PMS1: variants seen among roughly 807,000 people sequenced by gnomAD.
The protein encoded by PMS1 is PMS1 protein homolog 1.
A neutral mutation model predicts 93.1 loss-of-function variants in PMS1; 79 were observed. The ratio of observed to expected loss-of-function variants is 0.85; its 90% CI spans 0.71 to 1.02. PMS1 has a LOEUF of 1.02. Among genes scored for constraint, PMS1 ranks in the 50% least tolerant of loss-of-function variants. PMS1 has a pLI of 0.00. For synonymous variants in PMS1, 335 were observed against 363.4 expected, an observed-to-expected ratio of 0.92 and a Z score of 0.89; for missense variants, 1,064 against 1,085.3, an observed-to-expected ratio of 0.98 and a Z score of 0.28.
rs994909981 is a variant in PMS1, at chr2:189,877,560, G to C, written c.*124G>C. 7.4e-6 allele frequency: 5 copies of C among 676,412 alleles called. No homozygotes were observed. In the African/African-American group the frequency reaches 9.1e-5, roughly 12 times the overall value. 41.9% of individuals were successfully genotyped at this position (676,412 alleles called of 1,614,324 possible). ...GTTATTTTTTAAATGAGGATTCACT[G>C]ACTTGTTTTTATATTGAAAAAAGTT... On this transcript the variant is annotated 3_prime_UTR_variant, in exon 13 of 13. Coordinates refer to ENST00000441310, the MANE Select transcript of PMS1 (RefSeq NM_000534.5).
intron 5 of PMS1, among the ~76,000 whole-genome samples, chr2:189,832,713 A>T (rs1469886388): frequency 6.6e-6 from 1 of 152,036 alleles, no homozygotes; most frequent in Non-Finnish European, 1.5e-5. Context: ...GAGCCACCAC[A>T]CCTGGTCACG....
In PMS1 at chr2:189,843,997, C is replaced by A; in HGVS notation, c.616C>A (p.His206Asn). 1 of 1,613,968 alleles carries A rather than the reference C, an allele frequency of 6.2e-7. No individual in the cohort carries two copies. The highest frequency in any genetic ancestry group is 8.5e-7 in the Non-Finnish European group (1 of 1,179,940). ...TTGGCAGAAAAGCAGAGTATCAGAT[C>A]ACAAGATGGCTCTCATGTCAGTTCT... Reference protein sequence around the residue: ...VIWQKSRVSDHKMALMSVLGT... With the variant: ...VIWQKSRVSDNKMALMSVLGT... The change falls in exon 6 of 13, where the codon CAC becomes AAC. Residue 206 changes from histidine (H) to asparagine (N), a missense_variant. His to Asn is a moderately conservative substitution (Grantham distance 68, BLOSUM62 1). Transcript: ENST00000441310.
intron 6 of PMS1, 94 bp from the exon 7 acceptor site, chr2:189,852,561 T>G: frequency 9.0e-7 from 1 of 1,108,014 alleles, no homozygotes; most frequent in Non-Finnish European, 1.4e-6. Context: ...TGAAAATCTG[T>G]TTTTTAATTT....
At chr2:189,843,850 A>T in intron 5 of PMS1, 114 bp from the exon 6 acceptor site, 2 of 862,032 alleles carry the variant, frequency 2.3e-6, no homozygotes, top group Non-Finnish European at 3.8e-6. Context: ...CTTCTAAGTG[A>T]TACTGAAATT....
At chr2:189,797,051 C>G (rs1245349694) in intron 3 of PMS1, among the ~76,000 whole-genome samples, 3 of 152,160 alleles carry the variant, frequency 2.0e-5, no homozygotes, top group Non-Finnish European at 2.9e-5. Flanking sequence ...TTGTAAATCT[C>G]TAAGGTTGGT....
intron 1 of PMS1, 62 bp from the exon 2 acceptor site, chr2:189,791,728 C>G (rs757211136): frequency 1.5e-4 from 174 of 1,131,502 alleles, no homozygotes; most frequent in Non-Finnish European, 2.3e-4. Flanking sequence ...ATTATTATTG[C>G]CATTTGTCCT....
chr2:189,873,808 T>G, intron 12 of PMS1, 152 bp downstream of exon 12: 1 of 624,556 alleles, frequency 1.6e-6, no homozygotes, highest in Admixed American at 2.7e-5. Flanking sequence ...AGTGGCAGCA[T>G]TAGATTCTCA....
intron 6 of PMS1, among the ~76,000 whole-genome samples, chr2:189,845,815 C>G (rs2054205239): frequency 6.6e-6 from 1 of 152,122 alleles, no homozygotes; most frequent in Non-Finnish European, 1.5e-5. Flanking sequence ...ACTGCAACTT[C>G]TGCTTCCGAG....
At chr2:189,832,324 A>T (rs1559272570) in intron 5 of PMS1, among the ~76,000 whole-genome samples, 1 of 152,226 alleles carries the variant, frequency 6.6e-6, no homozygotes, top group Non-Finnish European at 1.5e-5. Context: ...AAAGGCTGAA[A>T]TCAAATACTG....
chr2:189,788,059 TAAAA>T (rs11315354), intron 1 of PMS1, among the ~76,000 whole-genome samples: 1 of 148,936 alleles, frequency 6.7e-6, no homozygotes, highest in African/African-American at 2.5e-5. Context: ...TATAGAGATT[TAAAA>T]AAAAAAGATC....
At chr2:189,866,722 G>A (rs761018164) in intron 10 of PMS1, among the ~76,000 whole-genome samples, 1 of 152,142 alleles carries the variant, frequency 6.6e-6, no homozygotes, top group Non-Finnish European at 1.5e-5. Flanking sequence ...ACTTTATGAG[G>A]TAGATAATAT....
chr2:189,840,745 T>C (rs1304379833), intron 5 of PMS1, among the ~76,000 whole-genome samples: 1 of 152,242 alleles, frequency 6.6e-6, no homozygotes, highest in Non-Finnish European at 1.5e-5. Flanking sequence ...CCAAGAACTA[T>C]ATTCTCAAAA....
At chr2:189,815,464 C>T (rs565534109) in intron 4 of PMS1, among the ~76,000 whole-genome samples, 5 of 152,292 alleles carry the variant, frequency 3.3e-5, no homozygotes, top group Non-Finnish European at 7.4e-5. Flanking sequence ...CCATGCTGTT[C>T]TCATGATAGT....
intron 6 of PMS1, among the ~76,000 whole-genome samples, chr2:189,846,831 A>G (rs953853766): frequency 6.6e-6 from 1 of 150,736 alleles, no homozygotes; most frequent in East Asian, 1.9e-4. Flanking sequence ...ATTTTTGCTA[A>G]TGGGAAACAA....
rs780862528 is a variant in PMS1, at chr2:189,854,503, A to G, written c.1231A>G (p.Ile411Val). The change falls in exon 9 of 13, where the codon ATA becomes GTA. Residue 411 changes from isoleucine to valine, a missense_variant. Transcript: ENST00000441310. Reference protein sequence around the residue: ...KNTDDCLNHQISIGDFGYGHC... With the variant: ...KNTDDCLNHQVSIGDFGYGHC... Reference sequence around the variant, plus strand: ...CACTGATGATTGTTTAAATCACCAGATAAGTATTGGTGACTTTGGTTATGG... The same window carrying G: ...CACTGATGATTGTTTAAATCACCAGGTAAGTATTGGTGACTTTGGTTATGG... 9.9e-6 allele frequency: 16 copies of G among 1,613,356 alleles called. No homozygotes were observed. Among genetic ancestry groups the G allele is most frequent in the Non-Finnish European group, 1.4e-5 (16 of 1,179,538 alleles).
chr2:189,815,816 C>A (rs2051247764), intron 4 of PMS1, among the ~76,000 whole-genome samples: 1 of 152,180 alleles, frequency 6.6e-6, no homozygotes, highest in African/African-American at 2.4e-5. Flanking sequence ...TTGCAAAGCC[C>A]ACCCACATTA....
chr2:189,867,517 A>G (rs972007224), intron 10 of PMS1, among the ~76,000 whole-genome samples: 3 of 150,796 alleles, frequency 2.0e-5, no homozygotes, highest in Admixed American at 6.6e-5. Context: ...AATTATTTAT[A>G]AAGTTTTCAT....
At chr2:189,846,329 T>A (rs2054251628) in intron 6 of PMS1, among the ~76,000 whole-genome samples, 1 of 152,054 alleles carries the variant, frequency 6.6e-6, no homozygotes, top group African/African-American at 2.4e-5. Flanking sequence ...CTGGCCAACA[T>A]GGCAAAACCC....
chr2:189,819,612 TGCATTTTTCTAGTGATTAGTAATGTTGA>T (rs2051648359), intron 5 of PMS1, among the ~76,000 whole-genome samples: 1 of 152,240 alleles, frequency 6.6e-6, no homozygotes, highest in African/African-American at 2.4e-5. Flanking sequence ...TGGTTTAATT[TGCATTTTTCTAGTGATTAGTAATGTTGA>T]GCATTTTTTC....
Sources: gnomAD v4.1 joint callset for allele counts (sites outside exome capture counted in the v4.1 genomes callset) on GRCh38, gnomAD v4.1.1 for gene constraint, MANE v1.5 for transcripts, NCBI Gene and HGNC (gene_info 2026-07-23, HGNC 2026-07-21) for gene names.